The following IL1RAPL1 variants were observed in gnomAD, a reference collection of about 807,000 sequenced individuals.
The protein encoded by IL1RAPL1 is interleukin 1 receptor accessory protein like 1.
A neutral mutation model predicts 48.4 loss-of-function variants in IL1RAPL1; 3 were observed. The observed-to-expected ratio is 0.06, with a 90% CI of 0.03 to 0.16. IL1RAPL1 has a LOEUF of 0.16. Among genes scored for constraint, IL1RAPL1 ranks in the 10% least tolerant of loss-of-function variants. The pLI is 1.00. For synonymous variants in IL1RAPL1, 185 were observed against 187.7 expected, an observed-to-expected ratio of 0.99 and a Z score of 0.12; for missense variants, 349 against 530.6, an observed-to-expected ratio of 0.66 and a Z score of 3.36.
chrX:29,941,806 C>T lies in IL1RAPL1; in HGVS notation c.1201+12C>T, dbSNP rs772800474. On this transcript the variant is annotated intron_variant, in intron 9 of 10. Coordinates refer to ENST00000378993, the MANE Select transcript of IL1RAPL1 (RefSeq NM_014271.4). ...AGAGCTCGATGGAGGTAGGATGTTA[C>T]CTCTTTTATTGTTCTTTCTGAATGT... 4.2e-6 allele frequency: 5 copies of T among 1,199,976 alleles called. No homozygotes were observed. In the East Asian group the frequency reaches 1.5e-4, roughly 36 times the overall value.
intron 1 of IL1RAPL1, among the ~76,000 whole-genome samples, chrX:28,737,121 CCTT>C (rs1569161715): frequency 0.016 from 1,183 of 71,771 alleles, 69 homozygotes; most frequent in African/African-American, 0.063. Context: ...TCTTTTCCTT[CCTT>C]CCTTCCTTCC....
chrX:29,454,013 A>G (rs7881803), intron 5 of IL1RAPL1, among the ~76,000 whole-genome samples: 4,894 of 111,974 alleles, frequency 0.044, 290 homozygotes, highest in African/African-American at 0.15. Flanking sequence ...TTTTCCTTAG[A>G]CAAAATAAAG....
intron 6 of IL1RAPL1, among the ~76,000 whole-genome samples, chrX:29,891,274 C>T (rs896149404): frequency 8.9e-6 from 1 of 112,346 alleles, no homozygotes; most frequent in Non-Finnish European, 1.9e-5. Flanking sequence ...TAGAATAAGG[C>T]ACACCTTTGC....
chrX:29,271,277 A>G (rs1259646572), intron 2 of IL1RAPL1, among the ~76,000 whole-genome samples: 1 of 111,933 alleles, frequency 8.9e-6, no homozygotes, highest in Non-Finnish European at 1.9e-5. Flanking sequence ...GTGGGCATGT[A>G]GGTTGATTCT....
intron 6 of IL1RAPL1, among the ~76,000 whole-genome samples, chrX:29,701,872 AG>A (rs1473093074): frequency 8.9e-6 from 1 of 111,912 alleles, no homozygotes; most frequent in Admixed American, 9.5e-5. Context: ...TGAGGGCTAG[AG>A]GAAGGCAAGA....
intron 2 of IL1RAPL1, among the ~76,000 whole-genome samples, chrX:29,089,931 C>T (rs898330842): frequency 9.6e-5 from 10 of 104,699 alleles, no homozygotes; most frequent in Non-Finnish European, 1.8e-4. Flanking sequence ...TGTAGGGCTT[C>T]ATTTCCTGAA....
chrX:29,334,606 G>T (rs1426879348), intron 3 of IL1RAPL1, among the ~76,000 whole-genome samples: 20 of 112,018 alleles, frequency 1.8e-4, no homozygotes, highest in African/African-American at 6.2e-4. Flanking sequence ...AGACGGGGCG[G>T]CCGGGCAGAG....
intron 2 of IL1RAPL1, among the ~76,000 whole-genome samples, chrX:28,839,249 T>C (rs1921302113): frequency 9.0e-6 from 1 of 111,303 alleles, no homozygotes; most frequent in Admixed American, 9.6e-5. Context: ...ATCTCTAACA[T>C]TGAAATTTGA....
At chrX:28,896,204 C>G (rs1922913934) in intron 2 of IL1RAPL1, among the ~76,000 whole-genome samples, 1 of 112,111 alleles carries the variant, frequency 8.9e-6, no homozygotes, top group East Asian at 2.8e-4. Context: ...TTGGCTGCCT[C>G]TACTCTATTA....
intron 2 of IL1RAPL1, among the ~76,000 whole-genome samples, chrX:29,148,506 A>C (rs1423744552): frequency 8.9e-6 from 1 of 112,110 alleles, no homozygotes; most frequent in Non-Finnish European, 1.9e-5. Flanking sequence ...CTTTTTCTCA[A>C]TATCTAAATG....
At chrX:28,659,418 CG>C in intron 1 of IL1RAPL1, 1 of 533,785 alleles carries the variant, frequency 1.9e-6, no homozygotes, top group Non-Finnish European at 3.4e-6. Flanking sequence ...AGTTGCTTCC[CG>C]GGTGTTTTAC....
intron 6 of IL1RAPL1, among the ~76,000 whole-genome samples, chrX:29,726,408 G>T: frequency 8.9e-6 from 1 of 111,940 alleles, no homozygotes; most frequent in Non-Finnish European, 1.9e-5. Context: ...TTCAGTTTCT[G>T]AACTTGCCAT....
intron 2 of IL1RAPL1, among the ~76,000 whole-genome samples, chrX:28,827,539 G>T (rs948117790): frequency 1.8e-5 from 2 of 111,417 alleles, no homozygotes; most frequent in Non-Finnish European, 3.8e-5. Flanking sequence ...CAATTGTCTT[G>T]ATCTTTTTTC....
At chrX:29,137,373 C>T (rs1929153958) in intron 2 of IL1RAPL1, among the ~76,000 whole-genome samples, 2 of 111,143 alleles carry the variant, frequency 1.8e-5, no homozygotes, top group Admixed American at 1.9e-4. Context: ...TATACATATT[C>T]CACACAAGGT....
At chrX:29,139,021 G>A (rs1232812249) in intron 2 of IL1RAPL1, among the ~76,000 whole-genome samples, 2 of 111,591 alleles carry the variant, frequency 1.8e-5, no homozygotes, top group African/African-American at 6.5e-5. Context: ...TCTCATGACA[G>A]TGTAAAGAAA....
chrX:29,683,587 CTTG>C (rs373058825), intron 6 of IL1RAPL1, among the ~76,000 whole-genome samples: 416 of 112,401 alleles, frequency 3.7e-3, no homozygotes, highest in African/African-American at 0.013. Context: ...ATGTGTGGCA[CTTG>C]TTGTGACACT....
At chrX:29,352,372 C>T (rs1171397965) in intron 3 of IL1RAPL1, among the ~76,000 whole-genome samples, 1 of 111,398 alleles carries the variant, frequency 9.0e-6, no homozygotes, top group Non-Finnish European at 1.9e-5. Flanking sequence ...TTTCCATTAG[C>T]CTTGGCAGGT....
At chrX:29,562,111 AT>A (rs1922243634) in intron 5 of IL1RAPL1, among the ~76,000 whole-genome samples, 4 of 60,723 alleles carry the variant, frequency 6.6e-5, no homozygotes, top group African/African-American at 3.1e-4. Flanking sequence ...CTATCTATCT[AT>A]CTAATCTATC....
intron 9 of IL1RAPL1, among the ~76,000 whole-genome samples, chrX:29,944,967 A>G (rs1933190976): frequency 9.0e-6 from 1 of 110,647 alleles, no homozygotes; most frequent in Non-Finnish European, 1.9e-5. Context: ...AAAAAAAAGT[A>G]ATCATCTTCT....
Sources: allele counts gnomAD v4.1 joint callset (sites outside exome capture counted in the v4.1 genomes callset), GRCh38; gene constraint gnomAD v4.1.1; transcripts MANE v1.5; gene names NCBI Gene and HGNC (gene_info 2026-07-23, HGNC 2026-07-21).